The following LURAP1 variants were observed in gnomAD, a reference collection of about 807,000 sequenced individuals.
The protein encoded by LURAP1 is NF-kappa-B activator C1orf190.
LURAP1 carries 14 observed loss-of-function variants against 19.0 expected under a neutral mutation model. The ratio of observed to expected loss-of-function variants is 0.74; its 90% CI spans 0.49 to 1.15. The LOEUF is 1.15. LURAP1 is among the 50% of genes most tolerant of loss of function. The pLI is 0.00. For synonymous variants in LURAP1, 129 were observed against 131.8 expected, an observed-to-expected ratio of 0.98 and a Z score of 0.14; for missense variants, 273 against 309.1, an observed-to-expected ratio of 0.88 and a Z score of 0.87.
At chr1:46,217,672 C>T (rs1055201927) in intron 1 of LURAP1, among the ~76,000 whole-genome samples, 6 of 152,042 alleles carry the variant, frequency 3.9e-5, no homozygotes, top group African/African-American at 1.4e-4. Flanking sequence ...GCCTGGCTAA[C>T]CTGGTGATGC....
intron 1 of LURAP1, among the ~76,000 whole-genome samples, chr1:46,218,659 T>A (rs942893943): frequency 3.9e-5 from 6 of 152,166 alleles, no homozygotes; most frequent in Non-Finnish European, 8.8e-5. Context: ...AGAGACAGGT[T>A]CAGACTTGTG....
intron 1 of LURAP1, among the ~76,000 whole-genome samples, chr1:46,214,077 G>A (rs886629198): frequency 1.3e-5 from 2 of 152,138 alleles, no homozygotes; most frequent in Non-Finnish European, 2.9e-5. Flanking sequence ...CGGGCATGGT[G>A]GCTCAGGCCT....
At chr1:46,205,616 T>G (rs867631328) in intron 1 of LURAP1, among the ~76,000 whole-genome samples, 2 of 152,336 alleles carry the variant, frequency 1.3e-5, no homozygotes, top group South Asian at 4.1e-4. Context: ...CTGTAAACTT[T>G]AAGGGGCTGC....
rs367956985 is a variant in LURAP1 at position 46,205,213 on chromosome 1, G to A, written c.198+1589G>A. 6.6e-5 allele frequency among the ~76,000 whole-genome samples: 10 copies of A among 152,096 alleles called. No homozygotes were observed. The East Asian group carries it at 1.7e-3, about 26-fold the overall frequency. ...GAGGAGGTTGCAGTGAGCTGAAATC[G>A]CACCACTGCACTCCAGCCTGGGTGA... On this transcript the variant is annotated intron_variant, in intron 1 of 1. Transcript: ENST00000371980.
chr1:46,218,313 G>T (rs770069145), intron 1 of LURAP1, among the ~76,000 whole-genome samples: 13 of 152,226 alleles, frequency 8.5e-5, no homozygotes, highest in Non-Finnish European at 1.8e-4. Context: ...TTGAGACCAG[G>T]AGATGGAGGC....
rs1338568659 is a variant in LURAP1 at position 46,203,581 on chromosome 1, G to A, written c.155G>A (p.Gly52Asp). 18 of 1,582,646 alleles carry A rather than the reference G, an allele frequency of 1.1e-5. No individual in the cohort carries two copies. The highest frequency in any genetic ancestry group is 1.7e-4 in the Middle Eastern group (1 of 5,906). Residue 52 changes from glycine (G) to aspartate (D), a missense_variant, in exon 1 of 2, where the codon GGC becomes GAC. By Grantham distance (94) the Gly-to-Asp change is moderately conservative (BLOSUM62 -1). Transcript: ENST00000371980. ...ALLLPGASST[G>D]HDLGDKIMAL... ...CTGCTCCCAGGGGCGTCTAGCACCG[G>A]CCACGACTTGGGGGACAAGATCATG...
At chr1:46,214,964 C>T (rs4612574) in intron 1 of LURAP1, among the ~76,000 whole-genome samples, 30,666 of 150,016 alleles carry the variant, frequency 0.2, 3,193 homozygotes, top group Admixed American at 0.26. Flanking sequence ...CTGTGGCTCA[C>T]GCCTGTAATC....
rs776903686 is a variant in LURAP1 at position 46,219,980 on chromosome 1, C to A, written c.480C>A (p.Gly160=). The change falls in exon 2 of 2, where the codon GGC becomes GGA. Residue 160 remains glycine, a synonymous_variant. Transcript: ENST00000371980. ...CCCCCAGCGAGCTGGATGAACAGGG[C>A]CCACCTGGGGCTCCACGTTCCGAGA... ...TVAPSELDEQ[G]PPGAPRSEMD... 24 of 1,614,108 alleles carry A rather than the reference C, an allele frequency of 1.5e-5. No individual in the cohort carries two copies. The highest frequency in any genetic ancestry group is 1.6e-5 in the Non-Finnish European group (19 of 1,180,050).
At chr1:46,207,898 G>A (rs1293523107) in intron 1 of LURAP1, among the ~76,000 whole-genome samples, 5 of 147,682 alleles carry the variant, frequency 3.4e-5, no homozygotes, top group Admixed American at 6.8e-5. Flanking sequence ...ACGGAGTTTC[G>A]TTCTTGGCGT....
At chr1:46,206,657 G>A (rs756406671) in intron 1 of LURAP1, among the ~76,000 whole-genome samples, 1 of 152,162 alleles carries the variant, frequency 6.6e-6, no homozygotes, top group East Asian at 1.9e-4. Context: ...TGCTGTCACA[G>A]TCAGGGAATC....
intron 1 of LURAP1, among the ~76,000 whole-genome samples, chr1:46,204,199 C>G (rs1658641489): frequency 6.6e-6 from 1 of 152,172 alleles, no homozygotes; most frequent in African/African-American, 2.4e-5. Context: ...ATAGCAGGGA[C>G]AGAGAGTAGC....
intron 1 of LURAP1, among the ~76,000 whole-genome samples, chr1:46,218,694 G>A (rs1204828687): frequency 1.3e-5 from 2 of 152,214 alleles, no homozygotes; most frequent in East Asian, 3.8e-4. Flanking sequence ...CAGTGCATCT[G>A]AGCTGGAACG....
At chr1:46,204,853 G>C (rs1367749701) in intron 1 of LURAP1, among the ~76,000 whole-genome samples, 1 of 152,222 alleles carries the variant, frequency 6.6e-6, no homozygotes, top group Non-Finnish European at 1.5e-5. Flanking sequence ...CTGTCTACTT[G>C]CTTTGAAAAC....
chr1:46,214,791 G>A (rs1421666310), intron 1 of LURAP1, among the ~76,000 whole-genome samples: 4 of 146,302 alleles, frequency 2.7e-5, no homozygotes, highest in African/African-American at 7.6e-5. Flanking sequence ...ACTTGAACCC[G>A]AGAGGCAGAG....
chr1:46,216,584 C>G (rs1300768387), intron 1 of LURAP1, among the ~76,000 whole-genome samples: 1 of 152,132 alleles, frequency 6.6e-6, no homozygotes, highest in Admixed American at 6.6e-5. Flanking sequence ...TCAAGTGATC[C>G]TCCTCTCTTG....
chr1:46,211,380 A>G lies in LURAP1; in HGVS notation c.198+7756A>G, dbSNP rs541675712. Among the ~76,000 whole-genome samples the G allele has an allele frequency of 2.0e-5, 3 of 152,088 alleles. No homozygotes were observed. In the East Asian group the frequency reaches 5.8e-4, roughly 29 times the overall value. On this transcript the variant is annotated intron_variant, in intron 1 of 1. Transcript: ENST00000371980. ...GCCTATTTCTGAGTGCCCCAGCATTATAACAAACACTGTAACAATGGCTAT... is the reference window on the plus strand; with the variant it reads ...GCCTATTTCTGAGTGCCCCAGCATTGTAACAAACACTGTAACAATGGCTAT...
chr1:46,213,939 C>T (rs1658981749), intron 1 of LURAP1, among the ~76,000 whole-genome samples: 2 of 151,990 alleles, frequency 1.3e-5, no homozygotes, highest in East Asian at 1.9e-4. Flanking sequence ...TCAGAGTTGG[C>T]AAGCTTCATA....
intron 1 of LURAP1, among the ~76,000 whole-genome samples, chr1:46,216,716 T>C (rs530512014): frequency 3.0e-4 from 45 of 152,244 alleles, no homozygotes; most frequent in Non-Finnish European, 5.4e-4. Flanking sequence ...ATTCTGAGAT[T>C]TGGGATACTG....
chr1:46,216,538 C>A (rs1009667976), intron 1 of LURAP1, among the ~76,000 whole-genome samples: 1 of 152,110 alleles, frequency 6.6e-6, no homozygotes, highest in African/African-American at 2.4e-5. Flanking sequence ...GACAGTGTCT[C>A]ACTCTGTTAC....
Sources: gnomAD v4.1 joint callset for allele counts (sites outside exome capture counted in the v4.1 genomes callset) on GRCh38, gnomAD v4.1.1 for gene constraint, MANE v1.5 for transcripts, NCBI Gene and HGNC (gene_info 2026-07-23, HGNC 2026-07-21) for gene names.